Variants in CDH4 observed in about 807,000 individuals in gnomAD.
CDH4 encodes the protein cadherin 4.
A neutral mutation model predicts 86.0 loss-of-function variants in CDH4; 33 were observed. That is an observed-to-expected ratio of 0.38 (90% CI 0.29 to 0.51). The LOEUF is 0.51. Among genes scored for constraint, CDH4 ranks in the 20% least tolerant of loss-of-function variants. The pLI, the probability that CDH4 is intolerant of heterozygous loss-of-function variation, is 0.86. For synonymous variants in CDH4, 555 were observed against 549.4 expected (o/e 1.01, Z -0.14); for missense variants, 1,114 against 1,307.4 (o/e 0.85, Z 2.28).
In CDH4 at chr20:61,544,984, C is replaced by A. The variant is rs926945542; in HGVS notation, c.170-198579C>A. The stretch of plus-strand genomic sequence containing the variant: ...GGGTGACTAGCAAATGACCCTTGAG[C>A]AGCCCTACTGGGGCCCCGAGTGGAC... On this transcript the variant is annotated intron_variant, in intron 2 of 15. Transcript: ENST00000614565. The surrounding 1 kb of genome is among the most constrained non-coding windows in gnomAD (Gnocchi z 6.5). Among the ~76,000 whole-genome samples the A allele has an allele frequency of 6.6e-6, 1 of 152,166 alleles. No homozygotes were observed. The highest frequency in any genetic ancestry group is 1.5e-5 in the Non-Finnish European group (1 of 68,030).
At chr20:61,443,854 ATCTC>A (rs370150769) in intron 2 of CDH4, among the ~76,000 whole-genome samples, 2,561 of 147,992 alleles carry the variant, frequency 0.017, 83 homozygotes, top group African/African-American at 0.059. Context: ...GATTGTGTGT[ATCTC>A]TCTATGTGTC....
chr20:61,305,958 C>T (rs1217991402), intron 2 of CDH4, among the ~76,000 whole-genome samples: 2 of 152,234 alleles, frequency 1.3e-5, no homozygotes, highest in Non-Finnish European at 2.9e-5. Context: ...TGTAAGCCTT[C>T]TGCCAATAGC....
intron 2 of CDH4, among the ~76,000 whole-genome samples, chr20:61,547,719 C>T (rs1483270581): frequency 6.6e-6 from 1 of 152,208 alleles, no homozygotes; most frequent in Non-Finnish European, 1.5e-5. Context: ...GCAGGAGCAG[C>T]CTTTTCCCAC....
intron 2 of CDH4, among the ~76,000 whole-genome samples, chr20:61,538,587 A>G (rs2086015776): frequency 6.6e-6 from 1 of 152,096 alleles, no homozygotes; most frequent in Non-Finnish European, 1.5e-5. Flanking sequence ...GGGTGGATGC[A>G]GTGAGGACTC....
Position 61,928,400 on chromosome 20 carries a change from A to T in CDH4, c.1982A>T (p.Asn661Ile). The T allele has an allele frequency of 6.2e-7, 1 of 1,612,074 alleles. No individual in the cohort carries two copies. Among genetic ancestry groups the T allele is most frequent in the Non-Finnish European group, 8.5e-7 (1 of 1,179,998 alleles). Residue 661 changes from asparagine (N) to isoleucine (I), a missense_variant, in exon 12 of 16, where the codon AAC (asparagine) becomes ATC (isoleucine). Physicochemically the swap from Asn to Ile is moderately radical, Grantham distance 149 (BLOSUM62 -3). This residue lies in a region of CDH4 where 705 missense variants were observed against 914.1 expected (regional missense o/e 0.77). Coordinates refer to ENST00000614565, the MANE Select transcript of CDH4 (RefSeq NM_001794.5). The stretch of plus-strand genomic sequence containing the variant: ...TTTGTCCCGGCGGCCGTGCGGAAGA[A>T]CTGGACCATCACCCGCCTGAACGGT... ...LPFVPAAVRKNWTITRLNGDY... is the reference protein window; with the variant it reads ...LPFVPAAVRKIWTITRLNGDY...
At chr20:61,812,055 G>A (rs1980465567) in intron 4 of CDH4, among the ~76,000 whole-genome samples, 2 of 152,026 alleles carry the variant, frequency 1.3e-5, no homozygotes, top group African/African-American at 2.4e-5. Flanking sequence ...CGTCTTTCCT[G>A]TTTCTCCCCC....
chr20:61,883,426 G>C (rs865821398), intron 7 of CDH4, among the ~76,000 whole-genome samples: 38 of 152,166 alleles, frequency 2.5e-4, no homozygotes, highest in African/African-American at 8.9e-4. Flanking sequence ...TCGGTGGGGG[G>C]CACCACCAGC....
At chr20:61,778,906 C>T (rs922104782) in intron 4 of CDH4, among the ~76,000 whole-genome samples, 4 of 152,196 alleles carry the variant, frequency 2.6e-5, no homozygotes, top group African/African-American at 9.6e-5. Context: ...TGGTGCCAAG[C>T]ACCATGCGGG....
At chr20:61,345,364 G>T (rs1409383147) in intron 2 of CDH4, among the ~76,000 whole-genome samples, 1 of 152,244 alleles carries the variant, frequency 6.6e-6, no homozygotes, top group Non-Finnish European at 1.5e-5. Context: ...TGAAACTCAA[G>T]CCCTCTGGTT....
Position 61,772,853 on chromosome 20 carries a change from T to TC in CDH4, c.397-147dup, listed in dbSNP as rs142786787. On this transcript the variant is annotated intron_variant, in intron 3 of 15. Transcript: ENST00000614565. ...CCTAATAGTTCCTTTCCCAGCGTTA[T>TC]CCCGCCCTTCCCGCTTAGCTCCTTG... 7.4e-3 allele frequency: 3,930 copies of TC among 534,554 alleles called. 104 individuals carry two copies. Among genetic ancestry groups the TC allele is most frequent in the African/African-American group, 0.067 (3,459 of 51,316 alleles). The allele number at this position is 534,554 out of a possible 1,614,324, so 33.1% of individuals were successfully genotyped here. A position where few individuals can be genotyped will look rare whatever the true frequency, so the allele number is the denominator to read the frequency against.
In CDH4 at chr20:61,518,999, C is replaced by A. The variant is rs1221796359; in HGVS notation, c.170-224564C>A. ...ATCCATCCTTCATCCATCCATTCATCCATGCATTCCCAGGATGCACACTCA... is the reference window on the plus strand; with the variant it reads ...ATCCATCCTTCATCCATCCATTCATACATGCATTCCCAGGATGCACACTCA... On this transcript the variant is annotated intron_variant, in intron 2 of 15. Coordinates refer to ENST00000614565, the MANE Select transcript of CDH4 (RefSeq NM_001794.5). This position sits in a 1 kb window ranked among gnomAD's most constrained non-coding sequence, Gnocchi z 6.3. Among the ~76,000 whole-genome samples the A allele has an allele frequency of 6.6e-6, 1 of 152,224 alleles. No individual in the cohort carries two copies. The highest frequency in any genetic ancestry group is 2.4e-5 in the African/African-American group (1 of 41,452).
At chr20:61,613,275 C>T (rs1689687987) in intron 2 of CDH4, among the ~76,000 whole-genome samples, 1 of 152,126 alleles carries the variant, frequency 6.6e-6, no homozygotes, top group Admixed American at 6.5e-5. Context: ...ACCAGAGAGA[C>T]ACAGCTGCTG....
In CDH4 at chr20:61,807,156, C is replaced by T. The variant is rs964929662; in HGVS notation, c.576+33974C>T. On this transcript the variant is annotated intron_variant, in intron 4 of 15. Coordinates refer to ENST00000614565, the MANE Select transcript of CDH4 (RefSeq NM_001794.5). This position sits in a 1 kb window ranked among gnomAD's most constrained non-coding sequence, Gnocchi z 4.5. Reference sequence around the variant, plus strand: ...GCTGCAAGGCCAGTGGGGCAGGTGCCGGGAGGGCCTCGGGAGGTGCCTGGT... The same window carrying T: ...GCTGCAAGGCCAGTGGGGCAGGTGCTGGGAGGGCCTCGGGAGGTGCCTGGT... Among the ~76,000 whole-genome samples the T allele has an allele frequency of 4.6e-5, 7 of 152,232 alleles. No homozygotes were observed. Among genetic ancestry groups the T allele is most frequent in the Non-Finnish European group, 7.3e-5 (5 of 68,040 alleles).
intron 4 of CDH4, among the ~76,000 whole-genome samples, chr20:61,830,101 A>G (rs1323676984): frequency 4.0e-5 from 2 of 50,134 alleles, no homozygotes; most frequent in East Asian, 5.3e-4. Context: ...CCGCAGTTCT[A>G]CCCCCATGCC....
chr20:61,476,513 G>A (rs2085536761), intron 2 of CDH4, among the ~76,000 whole-genome samples: 1 of 152,204 alleles, frequency 6.6e-6, no homozygotes, highest in African/African-American at 2.4e-5. Flanking sequence ...TATGGGGTAG[G>A]TTGTACCTCC....
intron 2 of CDH4, among the ~76,000 whole-genome samples, chr20:61,378,506 A>G (rs1007943279): frequency 4.6e-5 from 7 of 152,102 alleles, no homozygotes; most frequent in African/African-American, 1.7e-4. Context: ...TTGTGACCAC[A>G]TCACTCTAGT....
Position 61,910,593 on chromosome 20 carries a change from G to A in CDH4, c.1360G>A (p.Val454Ile). 6.2e-7 allele frequency: 1 copy of A among 1,613,542 alleles called. No homozygotes were observed. The highest frequency in any genetic ancestry group is 8.5e-7 in the Non-Finnish European group (1 of 1,179,870). Residue 454 changes from valine to isoleucine, a missense_variant, in exon 9 of 16, where the codon GTC becomes ATC. By Grantham distance (29) the Val-to-Ile change is conservative. Around this residue, in one of 3 missense-constraint regions of CDH4, gnomAD observed 705 missense variants for 914.1 expected, o/e 0.77. Coordinates refer to ENST00000614565, the MANE Select transcript of CDH4 (RefSeq NM_001794.5). ...RTDPVTNEGM[V>I]TVVKAVDYEL... The stretch of plus-strand genomic sequence containing the variant: ...AGACCCCGTAACCAACGAGGGCATG[G>A]TCACCGTGGTGAAGGTGCGTACTCT...
At chr20:61,320,890 T>C (rs763537792) in intron 2 of CDH4, among the ~76,000 whole-genome samples, 32 of 151,920 alleles carry the variant, frequency 2.1e-4, no homozygotes, top group Non-Finnish European at 1.5e-4. Flanking sequence ...AGACAGTATG[T>C]GGGCAGGGCG....
intron 2 of CDH4, among the ~76,000 whole-genome samples, chr20:61,688,780 G>T (rs770350431): frequency 3.5e-4 from 54 of 152,126 alleles, no homozygotes; most frequent in Non-Finnish European, 6.5e-4. Context: ...TTATATTTTT[G>T]ATTGTTTTTT....
Sources: gnomAD v4.1 joint callset for allele counts (sites outside exome capture counted in the v4.1 genomes callset) on GRCh38, gnomAD v4.1.1 for gene constraint, gnomAD v4.1.1 regional missense constraint, Gnocchi (gnomAD v3.1) non-coding constraint, MANE v1.5 for transcripts, NCBI Gene and HGNC (gene_info 2026-07-23, HGNC 2026-07-21) for gene names.